Variants in TPO observed in about 807,000 individuals in gnomAD.
The protein encoded by TPO is thyroid peroxidase, also known as thyroid microsomal antigen.
Under a neutral mutation model 96.9 loss-of-function variants are expected in TPO, and 78 were observed. The observed-to-expected ratio is 0.81, with a 90% confidence interval of 0.67 to 0.97. The LOEUF is 0.97. Among genes scored for constraint, TPO ranks in the 50% least tolerant of loss-of-function variants. The probability of loss-of-function intolerance (pLI) is 0.00; values close to 1 mark genes in which losing one functional copy is unlikely to be tolerated. For synonymous variants in TPO, 547 were observed against 538.0 expected, an observed-to-expected ratio of 1.02 and a Z score of -0.23; for missense variants, 1,252 against 1,274.8, an observed-to-expected ratio of 0.98 and a Z score of 0.27.
chr2:1,528,455 C>G (rs1677146071), intron 15 of TPO, among the ~76,000 whole-genome samples: 1 of 147,492 alleles, frequency 6.8e-6, no homozygotes, highest in Non-Finnish European at 1.5e-5. Flanking sequence ...GTGCAACCTC[C>G]TCAAATCTCT....
intron 5 of TPO, among the ~76,000 whole-genome samples, chr2:1,440,002 C>T (rs1036915242): frequency 3.9e-5 from 6 of 152,192 alleles, no homozygotes; most frequent in East Asian, 3.9e-4. Context: ...TCTCCTAAGC[C>T]GCTTCGGCGT....
Position 1,477,438 on chromosome 2 carries a change from T to C in TPO, c.1172T>C (p.Leu391Pro). 6.6e-7 allele frequency: 1 copy of C among 1,523,094 alleles called. No individual in the cohort carries two copies. The highest frequency in any genetic ancestry group is 2.5e-5 in the East Asian group (1 of 39,558). The allele number at this position is 1,523,094 out of a possible 1,614,324, so 94.3% of individuals were successfully genotyped here. The change falls in exon 8 of 17, where the codon CTG becomes CCG. Residue 391 changes from leucine to proline, a missense_variant. Leu to Pro is a moderately conservative substitution (Grantham distance 98, BLOSUM62 -3). Transcript: ENST00000329066. The part of the protein sequence containing the change: ...IPGETRGPCF[L>P]AGDGRASEVP... ...GGAGAGACCCGCGGGCCCTGCTTCCTGGCCGGAGACGGCCGCGCCAGCGAG... is the reference window on the plus strand; with the variant it reads ...GGAGAGACCCGCGGGCCCTGCTTCCCGGCCGGAGACGGCCGCGCCAGCGAG...
At chr2:1,509,737 GTTTCAGGGACACCCCACCCCCTTC>G (rs1673886010) in intron 14 of TPO, among the ~76,000 whole-genome samples, 1 of 29,078 alleles carries the variant, frequency 3.4e-5, no homozygotes, top group Non-Finnish European at 6.5e-5. Flanking sequence ...CCACCCTCTT[GTTTCAGGGACACCCCACCCCCTTC>G]TTTCAGGGAC....
intron 1 of TPO, among the ~76,000 whole-genome samples, chr2:1,397,042 G>A (rs941552612): frequency 9.9e-5 from 15 of 152,148 alleles, no homozygotes; most frequent in African/African-American, 3.4e-4. Flanking sequence ...CTCACTTGCT[G>A]TTGGAACATT....
At chr2:1,487,706 G>A in intron 9 of TPO, 115 bp from the exon 10 acceptor site, 1 of 1,398,462 alleles carries the variant, frequency 7.2e-7, no homozygotes, top group Non-Finnish European at 9.8e-7. Context: ...CTGCACTCCA[G>A]CCTGGGCAAC....
chr2:1,498,623 G>A (rs1672584953), intron 13 of TPO, among the ~76,000 whole-genome samples: 1 of 152,186 alleles, frequency 6.6e-6, no homozygotes, highest in South Asian at 2.1e-4. Flanking sequence ...CAGTGTACAA[G>A]GAGATCACCC....
At chr2:1,408,722 A>AT (rs1026257547), upstream of TPO, among the ~76,000 whole-genome samples, 241 of 152,308 alleles carry the variant, frequency 1.6e-3, 1 homozygote, top group African/African-American at 5.5e-3. Context: ...AAAACTTTTG[A>AT]TGTTCAATCG....
intron 5 of TPO, among the ~76,000 whole-genome samples, chr2:1,441,756 C>T (rs1666214545): frequency 6.6e-6 from 1 of 152,148 alleles, no homozygotes; most frequent in Admixed American, 6.5e-5. Context: ...GTCACATTGG[C>T]TGAGAACAGA....
chr2:1,511,090 G>A (rs1036619941), intron 14 of TPO, among the ~76,000 whole-genome samples: 3 of 152,192 alleles, frequency 2.0e-5, no homozygotes, highest in African/African-American at 7.2e-5. Context: ...TAATTATAGA[G>A]GGAGCTCTGC....
At chr2:1,508,671 G>A (rs368608573) in intron 14 of TPO, among the ~76,000 whole-genome samples, 8 of 152,230 alleles carry the variant, frequency 5.3e-5, no homozygotes, top group Non-Finnish European at 7.4e-5. Context: ...GTTTATTTGC[G>A]TAGAGGTGTT....
chr2:1,474,763 T>A (rs1345213363), intron 7 of TPO, among the ~76,000 whole-genome samples: 1 of 151,634 alleles, frequency 6.6e-6, no homozygotes, highest in Admixed American at 6.6e-5. Flanking sequence ...CCTGCATGCC[T>A]GAGCCCTGCT....
chr2:1,413,833 C>A, intron 1 of TPO: 1 of 660,384 alleles, frequency 1.5e-6, no homozygotes, highest in Non-Finnish European at 1.9e-6. Flanking sequence ...TCAAAAATAG[C>A]CACAGAAAGC....
chr2:1,537,043 G>T (rs113333374), intron 15 of TPO, among the ~76,000 whole-genome samples: 662 of 17,174 alleles, frequency 0.039, 1 homozygote, highest in African/African-American at 0.19. Context: ...CCCCCACTGT[G>T]TGCAACCTCC....
intron 13 of TPO, among the ~76,000 whole-genome samples, chr2:1,497,668 C>A (rs562827656): frequency 1.5e-4 from 23 of 152,256 alleles, no homozygotes; most frequent in African/African-American, 5.5e-4. Context: ...ATGACACTCA[C>A]CAGCAATCTT....
At chr2:1,445,881 G>A (rs13399844) in intron 5 of TPO, among the ~76,000 whole-genome samples, 51,635 of 132,618 alleles carry the variant, frequency 0.39, 10,293 homozygotes, top group South Asian at 0.48. Flanking sequence ...AGGAGGCACC[G>A]TGTTGGAAGG....
intron 16 of TPO, chr2:1,541,961 A>G (rs1018192349): frequency 1.2e-4 from 25 of 201,134 alleles, no homozygotes; most frequent in Admixed American, 1.2e-3. Flanking sequence ...CCTGGCTCCC[A>G]CGCATGGAAC....
intron 6 of TPO, among the ~76,000 whole-genome samples, chr2:1,454,399 G>A (rs868052556): frequency 3.2e-4 from 48 of 152,206 alleles, no homozygotes; most frequent in African/African-American, 9.9e-4. Flanking sequence ...CCCAAAGAGC[G>A]CAGGTGGTGG....
intron 1 of TPO, among the ~76,000 whole-genome samples, chr2:1,375,096 A>AT (rs138117973): frequency 9.0e-5 from 13 of 143,726 alleles, no homozygotes; most frequent in African/African-American, 2.2e-4. Flanking sequence ...AGAGTTTTTA[A>AT]TTTTTTTTTA....
At chr2:1,422,642 C>A (rs1311480764) in intron 2 of TPO, among the ~76,000 whole-genome samples, 2 of 152,164 alleles carry the variant, frequency 1.3e-5, no homozygotes, top group African/African-American at 4.8e-5. Context: ...CACAGGAGTG[C>A]TTTCATTGGA....
Sources: gnomAD v4.1 joint callset for allele counts (sites outside exome capture counted in the v4.1 genomes callset) on GRCh38, gnomAD v4.1.1 for gene constraint, MANE v1.5 for transcripts, NCBI Gene and HGNC (gene_info 2026-07-23, HGNC 2026-07-21) for gene names.